TAF1B: variants seen among roughly 807,000 people sequenced by gnomAD.
The protein encoded by TAF1B is TATA-box binding protein associated factor, RNA polymerase I subunit B, also known as TATA box-binding protein-associated factor RNA polymerase I subunit B.
A neutral mutation model predicts 83.9 loss-of-function variants in TAF1B; 61 were observed. That is an observed-to-expected ratio of 0.73 (90% confidence interval 0.59 to 0.90). The LOEUF (loss-of-function observed/expected upper bound fraction) is 0.90, where lower values mean the gene tolerates loss of function less well. Among genes scored for constraint, TAF1B ranks in the 40% least tolerant of loss-of-function variants. The pLI is 0.00. For synonymous variants in TAF1B, 221 were observed against 224.6 expected (o/e 0.98, Z 0.14); for missense variants, 625 against 677.0 (o/e 0.92, Z 0.85).
intron 4 of TAF1B, among the ~76,000 whole-genome samples, chr2:9,853,581 CCTCAGCCTCCCAA>C (rs1572214630): frequency 1.3e-5 from 2 of 152,024 alleles, no homozygotes; most frequent in East Asian, 3.9e-4. Flanking sequence ...AATCCTCCCA[CCTCAGCCTCCCAA>C]GTATCTGGGA....
At chr2:9,912,895 T>A (rs1185096050) in intron 11 of TAF1B, among the ~76,000 whole-genome samples, 2 of 152,236 alleles carry the variant, frequency 1.3e-5, no homozygotes, top group East Asian at 3.8e-4. Flanking sequence ...TATTGACCAG[T>A]TGAAAAGATT....
chr2:9,919,104 A>G lies in TAF1B; in HGVS notation c.1335A>G (p.Lys445=). ...YSFVDKPVAY[K]KREMVVNLQK... is the part of the protein sequence containing the mutation. ...TTGTCGACAAACCAGTAGCATATAA[A>G]AAAAGAGGTAAGTCAAATTTTGTCT... Residue 445 remains lysine, a synonymous_variant, in exon 13 of 15, where the codon AAA becomes AAG. Coordinates refer to ENST00000263663, the MANE Select transcript of TAF1B (RefSeq NM_005680.3). 6.2e-7 allele frequency: 1 copy of G among 1,614,084 alleles called. No individual in the cohort carries two copies. The highest frequency in any genetic ancestry group is 8.5e-7 in the Non-Finnish European group (1 of 1,179,998).
chr2:9,845,708 C>T (rs762398025), intron 2 of TAF1B: 37 of 257,270 alleles, frequency 1.4e-4, no homozygotes, highest in South Asian at 1.3e-4. Context: ...CTGGGCCGGG[C>T]GCAGTGGCTT....
chr2:9,878,675 A>G (rs1664398323), intron 7 of TAF1B, among the ~76,000 whole-genome samples: 2 of 152,226 alleles, frequency 1.3e-5, no homozygotes, highest in Non-Finnish European at 1.5e-5. Context: ...TGTATTGAAT[A>G]TCTACTATAT....
intron 14 of TAF1B, among the ~76,000 whole-genome samples, chr2:9,930,284 G>A (rs1666172077): frequency 6.6e-6 from 1 of 152,016 alleles, no homozygotes; most frequent in Non-Finnish European, 1.5e-5. Flanking sequence ...GTCGATTTTA[G>A]ATCTTTCCTG....
At chr2:9,896,516 T>C (rs1665022324) in intron 8 of TAF1B, among the ~76,000 whole-genome samples, 1 of 151,376 alleles carries the variant, frequency 6.6e-6, no homozygotes, top group Non-Finnish European at 1.5e-5. Context: ...GATGAAGATA[T>C]GCCAGTGGAG....
chr2:9,902,936 C>G (rs568196716), intron 8 of TAF1B, among the ~76,000 whole-genome samples: 102 of 152,248 alleles, frequency 6.7e-4, no homozygotes, highest in South Asian at 5.2e-3. Flanking sequence ...GTTATTTATC[C>G]AAGCCTTCTA....
chr2:9,870,559 T>C (rs1014909454), intron 6 of TAF1B, among the ~76,000 whole-genome samples: 2 of 152,248 alleles, frequency 1.3e-5, no homozygotes, highest in South Asian at 2.1e-4. Context: ...TTCAACTCTT[T>C]TGTGACTTTC....
intron 6 of TAF1B, among the ~76,000 whole-genome samples, chr2:9,874,142 G>A (rs982267043): frequency 1.3e-5 from 2 of 152,108 alleles, no homozygotes; most frequent in Non-Finnish European, 2.9e-5. Context: ...ACATGGCTGG[G>A]GAGGCCTCAC....
At chr2:9,905,579 G>A (rs1010780986) in intron 9 of TAF1B, among the ~76,000 whole-genome samples, 1 of 152,140 alleles carries the variant, frequency 6.6e-6, no homozygotes. Flanking sequence ...CAACACACAG[G>A]TAACCTCAGT....
intron 5 of TAF1B, 102 bp downstream of exon 5, chr2:9,854,523 T>C (rs1663497233): frequency 2.5e-6 from 2 of 789,074 alleles, no homozygotes; most frequent in Non-Finnish European, 4.2e-6. Flanking sequence ...ATTATGATGC[T>C]TGTCAGAGGA....
intron 8 of TAF1B, among the ~76,000 whole-genome samples, chr2:9,895,813 C>CTTTTTTTTTTTTTTTT (rs34044860): frequency 8.9e-6 from 1 of 112,480 alleles, no homozygotes; most frequent in Non-Finnish European, 1.8e-5. Flanking sequence ...GCACTGCACT[C>CTTTTTTTTTTTTTTTT]TTTTTTTTTT....
chr2:9,872,418 T>G (rs886859476), intron 6 of TAF1B, among the ~76,000 whole-genome samples: 4 of 152,130 alleles, frequency 2.6e-5, no homozygotes, highest in Non-Finnish European at 5.9e-5. Context: ...TTCATCCAGT[T>G]TCTAGGGGTA....
intron 5 of TAF1B, among the ~76,000 whole-genome samples, chr2:9,858,184 C>T (rs1219277164): frequency 6.6e-6 from 1 of 152,216 alleles, no homozygotes; most frequent in African/African-American, 2.4e-5. Flanking sequence ...GGTAAATGTT[C>T]CCAATCCACA....
intron 8 of TAF1B, among the ~76,000 whole-genome samples, chr2:9,897,957 G>A (rs1665064970): frequency 6.6e-6 from 1 of 152,022 alleles, no homozygotes; most frequent in Non-Finnish European, 1.5e-5. Context: ...GTTTTCTTGT[G>A]TTCCTGGCCC....
At chr2:9,864,152 T>G (rs1277170539) in intron 5 of TAF1B, among the ~76,000 whole-genome samples, 3 of 152,016 alleles carry the variant, frequency 2.0e-5, no homozygotes, top group African/African-American at 7.3e-5. Context: ...AATCAGTGAA[T>G]CCAGGAGCTG....
chr2:9,906,350 T>C (rs1175407508), intron 9 of TAF1B, among the ~76,000 whole-genome samples: 1 of 152,182 alleles, frequency 6.6e-6, no homozygotes, highest in Non-Finnish European at 1.5e-5. Flanking sequence ...CAGAGAGACA[T>C]TATTGTCATT....
In TAF1B at chr2:9,919,586, C is replaced by T. The variant is rs778542674; in HGVS notation, c.1343-12C>T. The T allele has an allele frequency of 3.1e-6, 5 of 1,600,964 alleles. No individual in the cohort carries two copies. Among genetic ancestry groups the T allele is most frequent in the Admixed American group, 3.4e-5 (2 of 58,112 alleles). ...ACTTGTTATTTTGTTTCCTTTTTTT[C>T]TCCGGTTCCAGAAATGGTGGTGAAT... On this transcript the variant is annotated splice_polypyrimidine_tract_variant and intron_variant, in intron 13 of 14. Transcript: ENST00000263663.
intron 7 of TAF1B, among the ~76,000 whole-genome samples, chr2:9,882,482 G>A (rs1664540802): frequency 6.6e-6 from 1 of 152,152 alleles, no homozygotes; most frequent in South Asian, 2.1e-4. Context: ...TATTTATTTA[G>A]ACAGGAACTT....
Sources: gnomAD v4.1 joint callset for allele counts (sites outside exome capture counted in the v4.1 genomes callset) on GRCh38, gnomAD v4.1.1 for gene constraint, MANE v1.5 for transcripts, NCBI Gene and HGNC (gene_info 2026-07-23, HGNC 2026-07-21) for gene names.